Variants in FAT3 observed in about 807,000 individuals in gnomAD.
FAT3 encodes FAT atypical cadherin 3.
A neutral mutation model predicts 310.2 loss-of-function variants in FAT3; 95 were observed. The ratio of observed to expected loss-of-function variants is 0.31; its 90% CI spans 0.26 to 0.36. The LOEUF is 0.36. FAT3 is among the 10% of genes least tolerant of loss of function. The pLI is 1.00. For missense variants in FAT3, 5,408 were observed against 5,715.6 expected (o/e 0.95, Z 1.74); for synonymous variants, 2,314 against 2,192.9 (o/e 1.06, Z -1.54).
Position 92,806,598 on chromosome 11 carries a change from A to G in FAT3, c.9247+83A>G, listed in dbSNP as rs891784690. ...ACTTATGTGGTCTCATCACTAGTAAATAGTTAGTAGTATACTTACTCTTAT... is the reference window on the plus strand; with the variant it reads ...ACTTATGTGGTCTCATCACTAGTAAGTAGTTAGTAGTATACTTACTCTTAT... On this transcript the variant is annotated intron_variant, in intron 12 of 27. Coordinates refer to ENST00000525166, the MANE Select transcript of FAT3 (RefSeq NM_001367949.2). 4 of 1,187,132 alleles carry G rather than the reference A, an allele frequency of 3.4e-6. No individual in the cohort carries two copies. In the African/African-American group the frequency reaches 4.7e-5, roughly 14 times the overall value. 73.5% of individuals were successfully genotyped at this position (1,187,132 alleles called of 1,614,324 possible).
At position 92,412,702 on chromosome 11, in the gene FAT3, GATATATATATATAT is replaced by G. The variant is rs758587642; in HGVS notation, c.3292+57328_3292+57341del. ...GTAAAAGTCCAACTATGATGGTGGTGATATATATATATATATATATATATATATATATATATATA... is the reference window on the plus strand; with the variant it reads ...GTAAAAGTCCAACTATGATGGTGGTGATATATATATATATATATATATATA... On this transcript the variant is annotated intron_variant, in intron 2 of 27. Coordinates refer to ENST00000525166, the MANE Select transcript of FAT3 (RefSeq NM_001367949.2). Among the ~76,000 whole-genome samples, 92 of 13,472 alleles carry G rather than the reference GATATATATATATAT, an allele frequency of 6.8e-3. 20 individuals are homozygous for G. The Admixed American group carries it at 0.095, about 14-fold the overall frequency. The allele number at this position is 13,472 out of a possible 152,430, so 8.8% of individuals were successfully genotyped here. A position where few individuals can be genotyped will look rare whatever the true frequency, so the allele number is the denominator to read the frequency against.
chr11:92,705,546 A>T (rs1374977806), intron 4 of FAT3, among the ~76,000 whole-genome samples: 29 of 39,122 alleles, frequency 7.4e-4, no homozygotes, highest in African/African-American at 1.1e-3. Context: ...TGATGGTGTG[A>T]TGGTGGTGGT....
At chr11:92,351,979 TA>T in intron 1 of FAT3, 116 bp from the exon 2 acceptor site, 1 of 616,374 alleles carries the variant, frequency 1.6e-6, no homozygotes, top group Non-Finnish European at 2.1e-6. Context: ...GCTGTTTTAG[TA>T]AAAAGATTTT....
chr11:92,583,072 C>T (rs999773874), intron 3 of FAT3, among the ~76,000 whole-genome samples: 3 of 140,026 alleles, frequency 2.1e-5, no homozygotes, highest in African/African-American at 9.1e-5. Context: ...TAGCACTTTG[C>T]AGAATATTTT....
chr11:92,238,348 A>C (rs978524649), intron 1 of FAT3, among the ~76,000 whole-genome samples: 5 of 152,164 alleles, frequency 3.3e-5, no homozygotes, highest in Non-Finnish European at 7.4e-5. Flanking sequence ...TAAATCTTTA[A>C]GTAAAATTGA....
intron 2 of FAT3, among the ~76,000 whole-genome samples, chr11:92,442,588 C>T (rs999006682): frequency 3.3e-5 from 5 of 152,094 alleles, no homozygotes; most frequent in South Asian, 2.1e-4. Flanking sequence ...AGCAGTCAGG[C>T]ACAGACACCA....
chr11:92,296,008 G>C (rs190565391), intron 1 of FAT3, among the ~76,000 whole-genome samples: 5 of 152,190 alleles, frequency 3.3e-5, no homozygotes, highest in African/African-American at 1.2e-4. Context: ...TCTGGTAATT[G>C]TGGAGATAGA....
chr11:92,874,114 C>G (rs1949464169), intron 22 of FAT3, among the ~76,000 whole-genome samples: 1 of 147,930 alleles, frequency 6.8e-6, no homozygotes, highest in African/African-American at 2.4e-5. Flanking sequence ...ATTTGATATT[C>G]TCCCCTCTGA....
At chr11:92,351,965 T>G (rs1285305232) in intron 1 of FAT3, 131 bp from the exon 2 acceptor site, 1 of 451,186 alleles carries the variant, frequency 2.2e-6, no homozygotes, top group Non-Finnish European at 3.2e-6. Flanking sequence ...TTTTTTCTTA[T>G]ATTGCTGTTT....
At chr11:92,877,275 G>C (rs543475287) in intron 22 of FAT3, among the ~76,000 whole-genome samples, 1 of 152,274 alleles carries the variant, frequency 6.6e-6, no homozygotes, top group African/African-American at 2.4e-5. Context: ...ACTTCTGAAG[G>C]GGGAGAGATG....
At chr11:92,543,227 C>T (rs1954508782) in intron 3 of FAT3, among the ~76,000 whole-genome samples, 1 of 151,992 alleles carries the variant, frequency 6.6e-6, no homozygotes, top group South Asian at 2.1e-4. Context: ...TATAAAGTTA[C>T]ACTTAGATAG....
At chr11:92,417,631 TAGAA>T (rs1195375741) in intron 2 of FAT3, among the ~76,000 whole-genome samples, 1 of 151,946 alleles carries the variant, frequency 6.6e-6, no homozygotes. Flanking sequence ...CAGAACTCAA[TAGAA>T]AGGGAAAAAA....
At chr11:92,493,360 T>A (rs1445600947) in intron 2 of FAT3, among the ~76,000 whole-genome samples, 1 of 152,088 alleles carries the variant, frequency 6.6e-6, no homozygotes, top group East Asian at 1.9e-4. Flanking sequence ...CACTGGCTCC[T>A]TACTGGTGGT....
At chr11:92,688,439 C>A (rs372357528) in intron 3 of FAT3, among the ~76,000 whole-genome samples, 3 of 152,026 alleles carry the variant, frequency 2.0e-5, no homozygotes, top group African/African-American at 7.3e-5. Context: ...ATTACTATAA[C>A]CCCATCATCC....
At chr11:92,432,304 T>C (rs986429733) in intron 2 of FAT3, among the ~76,000 whole-genome samples, 1 of 152,180 alleles carries the variant, frequency 6.6e-6, no homozygotes, top group Admixed American at 6.5e-5. Context: ...TTGTCTGTTA[T>C]TGGTGTACAA....
chr11:92,245,034 A>T (rs1158027273), intron 1 of FAT3, among the ~76,000 whole-genome samples: 1 of 152,116 alleles, frequency 6.6e-6, no homozygotes, highest in Non-Finnish European at 1.5e-5. Context: ...ATAAAGATAC[A>T]TGCACACATG....
At chr11:92,705,492 GTGGT>G (rs1944266254) in intron 4 of FAT3, among the ~76,000 whole-genome samples, 2 of 111,146 alleles carry the variant, frequency 1.8e-5, no homozygotes, top group Non-Finnish European at 3.9e-5. Context: ...TGGTGTGATG[GTGGT>G]GGTGATGGTG....
chr11:92,463,601 G>C (rs74497348), intron 2 of FAT3, among the ~76,000 whole-genome samples: 1 of 152,066 alleles, frequency 6.6e-6, no homozygotes, highest in Non-Finnish European at 1.5e-5. Flanking sequence ...ATTTTTATTG[G>C]CATCAGAATT....
chr11:92,374,333 G>A (rs960879412), intron 2 of FAT3, among the ~76,000 whole-genome samples: 3 of 152,170 alleles, frequency 2.0e-5, no homozygotes, highest in African/African-American at 7.2e-5. Flanking sequence ...CATTATGCAT[G>A]TTTTCCTTGA....
Sources: gnomAD v4.1 joint callset for allele counts (sites outside exome capture counted in the v4.1 genomes callset) on GRCh38, gnomAD v4.1.1 for gene constraint, MANE v1.5 for transcripts, NCBI Gene and HGNC (gene_info 2026-07-23, HGNC 2026-07-21) for gene names.